Variants in PRKCZ observed in about 807,000 individuals in gnomAD.
PRKCZ encodes protein kinase C zeta type.
In PRKCZ, 33 loss-of-function variants were observed where a neutral mutation model predicts 79.5. That is an observed-to-expected ratio of 0.41 (90% CI 0.31 to 0.55). The LOEUF (loss-of-function observed/expected upper bound fraction) is 0.55. PRKCZ is among the 20% of genes least tolerant of loss of function. PRKCZ has a pLI of 0.19. For missense variants in PRKCZ, 578 were observed against 813.5 expected (o/e 0.71, Z 3.52); for synonymous variants, 342 against 320.9 (o/e 1.07, Z -0.70).
rs553094361 is a variant in PRKCZ at position 2,128,793 on chromosome 1, C to T, written c.335-6469C>T. ...AGACCCCAGGCTGTGTCCACACGTA[C>T]CCCCGGAAGGACCTCCTGCTAACCT... On this transcript the variant is annotated intron_variant, in intron 4 of 17. Coordinates refer to ENST00000378567, the MANE Select transcript of PRKCZ (RefSeq NM_002744.6). The surrounding 1 kb of genome is among the most constrained non-coding windows in gnomAD (Gnocchi z 6.5). 3.3e-5 allele frequency among the ~76,000 whole-genome samples: 5 copies of T among 152,266 alleles called. No individual in the cohort carries two copies. Among genetic ancestry groups the T allele is most frequent in the African/African-American group, 9.6e-5 (4 of 41,556 alleles).
chr1:2,055,721 A>G, intron 2 of PRKCZ, 159 bp downstream of exon 2: 1 of 1,152,056 alleles, frequency 8.7e-7, no homozygotes, highest in South Asian at 1.7e-5. Context: ...GATGGTGGGA[A>G]AGAGGTTGGC....
intron 10 of PRKCZ, among the ~76,000 whole-genome samples, chr1:2,163,118 T>C (rs1479722174): frequency 6.6e-6 from 1 of 152,206 alleles, no homozygotes; most frequent in Non-Finnish European, 1.5e-5. Context: ...CTCACTGGGG[T>C]GACGTTGACA....
At chr1:2,068,268 A>ACC (rs140974664) in intron 4 of PRKCZ, among the ~76,000 whole-genome samples, 1 of 151,768 alleles carries the variant, frequency 6.6e-6, no homozygotes, top group Admixed American at 6.6e-5. Flanking sequence ...ACTCTCAGAG[A>ACC]CCCCCCGCCT....
intron 4 of PRKCZ, among the ~76,000 whole-genome samples, chr1:2,114,796 A>AAAAAGC (rs1325145288): frequency 1.3e-5 from 2 of 151,892 alleles, no homozygotes; most frequent in African/African-American, 4.8e-5. Context: ...AAAGAAAAAG[A>AAAAAGC]AAAAGCTAAG....
rs551479990 is a variant in PRKCZ at position 2,066,667 on chromosome 1, CCTT to C, written c.334+7079_334+7081del. On this transcript the variant is annotated intron_variant, in intron 4 of 17. Coordinates refer to ENST00000378567, the MANE Select transcript of PRKCZ (RefSeq NM_002744.6). Reference sequence around the variant, plus strand: ...CTGCTCTCATCTTTATTATTCCCATCCTTCTGCCAGCTTTTGGTTTGTTCTTTT... The same window carrying C: ...CTGCTCTCATCTTTATTATTCCCATCCTGCCAGCTTTTGGTTTGTTCTTTT... 1.1e-3 allele frequency among the ~76,000 whole-genome samples: 172 copies of C among 152,352 alleles called. 1 individual carries two copies. Among genetic ancestry groups the C allele is most frequent in the African/African-American group, 3.9e-3 (162 of 41,586 alleles).
At chr1:2,179,617 T>C (rs1043662354) in intron 16 of PRKCZ, among the ~76,000 whole-genome samples, 2 of 152,152 alleles carry the variant, frequency 1.3e-5, no homozygotes, top group Non-Finnish European at 2.9e-5. Context: ...CGCTAACTCA[T>C]CTCCCCCTGG....
intron 4 of PRKCZ, among the ~76,000 whole-genome samples, chr1:2,129,436 C>G (rs544801511): frequency 6.6e-6 from 1 of 152,150 alleles, no homozygotes; most frequent in Non-Finnish European, 1.5e-5. Flanking sequence ...CAGCAGGGCC[C>G]GAGAGGCAAG....
chr1:2,059,864 G>A (rs1660512021), intron 4 of PRKCZ, among the ~76,000 whole-genome samples: 1 of 152,156 alleles, frequency 6.6e-6, no homozygotes. Context: ...AGGAGGGAGG[G>A]GCCAGGTGGG....
intron 4 of PRKCZ, among the ~76,000 whole-genome samples, chr1:2,081,708 C>T (rs566419269): frequency 6.6e-6 from 1 of 152,278 alleles, no homozygotes; most frequent in East Asian, 1.9e-4. Flanking sequence ...GCTGAGTTGG[C>T]AGTGCCGTAG....
intron 4 of PRKCZ, among the ~76,000 whole-genome samples, chr1:2,134,493 A>G (rs1354111636): frequency 6.6e-6 from 1 of 152,212 alleles, no homozygotes; most frequent in African/African-American, 2.4e-5. Flanking sequence ...AAAGTGGGAC[A>G]CGGTGTTGAG....
chr1:2,072,960 T>A (rs1295368291), intron 4 of PRKCZ, among the ~76,000 whole-genome samples: 2 of 152,054 alleles, frequency 1.3e-5, no homozygotes, highest in Non-Finnish European at 2.9e-5. Flanking sequence ...CCCCCCATGT[T>A]TTTTATGATT....
chr1:2,060,851 G>A (rs1234219792), intron 4 of PRKCZ, among the ~76,000 whole-genome samples: 1 of 152,186 alleles, frequency 6.6e-6, no homozygotes, highest in Non-Finnish European at 1.5e-5. Flanking sequence ...GTGGCCAGAC[G>A]GTGGGCGTCA....
At chr1:2,098,951 G>C (rs1360426540) in intron 4 of PRKCZ, among the ~76,000 whole-genome samples, 1 of 152,200 alleles carries the variant, frequency 6.6e-6, no homozygotes, top group East Asian at 1.9e-4. Context: ...AAAGTGCTGG[G>C]ATGACAGGCG....
intron 4 of PRKCZ, among the ~76,000 whole-genome samples, chr1:2,070,935 A>G (rs1294864142): frequency 6.6e-6 from 1 of 151,742 alleles, no homozygotes. Context: ...TCCCGCCCTC[A>G]TAGCCCTGTA....
intron 4 of PRKCZ, among the ~76,000 whole-genome samples, chr1:2,066,573 C>G (rs1212563355): frequency 6.6e-6 from 1 of 152,222 alleles, no homozygotes; most frequent in Non-Finnish European, 1.5e-5. Context: ...AACTCCTGAC[C>G]TCAGATGATC....
At chr1:2,066,381 T>G (rs1661126681) in intron 4 of PRKCZ, among the ~76,000 whole-genome samples, 2 of 152,246 alleles carry the variant, frequency 1.3e-5, no homozygotes, top group Non-Finnish European at 1.5e-5. Context: ...TGTCTGTCTC[T>G]CTGATGGAGA....
chr1:2,052,638 G>C (rs565054650), intron 1 of PRKCZ, among the ~76,000 whole-genome samples: 1 of 151,798 alleles, frequency 6.6e-6, no homozygotes, highest in Non-Finnish European at 1.5e-5. Context: ...CCTTCTCCCC[G>C]TTCTGGCTCC....
intron 4 of PRKCZ, among the ~76,000 whole-genome samples, chr1:2,088,243 C>G (rs753578716): frequency 6.6e-6 from 1 of 152,120 alleles, no homozygotes; most frequent in Non-Finnish European, 1.5e-5. Flanking sequence ...GCTCTGCCCC[C>G]GTCTGTCCCT....
rs960472046 is a variant in PRKCZ at position 2,062,466 on chromosome 1, A to G, written c.334+2875A>G. On this transcript the variant is annotated intron_variant, in intron 4 of 17. Coordinates refer to ENST00000378567, the MANE Select transcript of PRKCZ (RefSeq NM_002744.6). ...TTCTGGTAAAATGCACATAACATCTATTTTTGCCATCTTAACTTTTTTTTT... is the reference window on the plus strand; with the variant it reads ...TTCTGGTAAAATGCACATAACATCTGTTTTTGCCATCTTAACTTTTTTTTT... Among the ~76,000 whole-genome samples, 4 of 132,090 alleles carry G rather than the reference A, an allele frequency of 3.0e-5. 1 individual carries two copies. The highest frequency in any genetic ancestry group is 2.8e-5 in the African/African-American group (1 of 35,304). The allele number at this position is 132,090 out of a possible 152,430, so 86.7% of individuals were successfully genotyped here. A position where few individuals can be genotyped will look rare whatever the true frequency, so the allele number is the denominator to read the frequency against.
Sources: allele counts gnomAD v4.1 joint callset (sites outside exome capture counted in the v4.1 genomes callset), GRCh38; gene constraint gnomAD v4.1.1; non-coding constraint Gnocchi (gnomAD v3.1); transcripts MANE v1.5; gene names NCBI Gene and HGNC (gene_info 2026-07-23, HGNC 2026-07-21).